Variants in NRXN3 observed in about 807,000 individuals in gnomAD.
The protein encoded by NRXN3 is neurexin 3.
NRXN3 carries 32 observed loss-of-function variants against 137.6 expected under a neutral mutation model. The observed-to-expected ratio is 0.23, with a 90% CI of 0.18 to 0.31. NRXN3 has a LOEUF of 0.31. NRXN3 is among the 10% of genes least tolerant of loss of function. The pLI is 1.00. For synonymous variants in NRXN3, 798 were observed against 784.5 expected (o/e 1.02, Z -0.29); for missense variants, 1,574 against 2,062.5 (o/e 0.76, Z 4.59).
At position 79,257,951 on chromosome 14, in the gene NRXN3, A is replaced by G. The variant is rs181594045; in HGVS notation, c.3263-209270A>G. ...TACTGCTTTACCTAAAATAGACTGG[A>G]AAAAAAAAAGTTGTGACTGTTCTCT... On this transcript the variant is annotated intron_variant, in intron 15 of 20. Transcript: ENST00000335750. Among the ~76,000 whole-genome samples, 10 of 149,056 alleles carry G rather than the reference A, an allele frequency of 6.7e-5. No individual in the cohort carries two copies. In the East Asian group the frequency reaches 9.8e-4, roughly 15 times the overall value.
chr14:78,528,486 T>C (rs535588124), intron 4 of NRXN3, among the ~76,000 whole-genome samples: 1 of 152,290 alleles, frequency 6.6e-6, no homozygotes, highest in Admixed American at 6.5e-5. Flanking sequence ...CCCACAACTG[T>C]GTGAGGGCAG....
At chr14:79,766,559 T>C (rs1222681048) in intron 19 of NRXN3, among the ~76,000 whole-genome samples, 1 of 152,218 alleles carries the variant, frequency 6.6e-6, no homozygotes, top group Non-Finnish European at 1.5e-5. Context: ...CATTGCATTC[T>C]GGGGAATTGG....
At chr14:79,385,328 C>T (rs377059128) in intron 15 of NRXN3, among the ~76,000 whole-genome samples, 2,187 of 148,598 alleles carry the variant, frequency 0.015, 25 homozygotes, top group South Asian at 0.033. Context: ...TTTGTTCTTG[C>T]GATAGTTTAC....
chr14:78,179,090 C>A (rs2059543013), intron 1 of NRXN3, among the ~76,000 whole-genome samples: 1 of 152,154 alleles, frequency 6.6e-6, no homozygotes, highest in Non-Finnish European at 1.5e-5. Context: ...TGCACAGCCT[C>A]ACTGGTGGAG....
intron 10 of NRXN3, among the ~76,000 whole-genome samples, chr14:78,901,803 C>T (rs770332680): frequency 5.3e-5 from 8 of 152,134 alleles, no homozygotes; most frequent in South Asian, 2.1e-4. Flanking sequence ...TGGGGTGCCT[C>T]TTAGCTCCAG....
intron 15 of NRXN3, among the ~76,000 whole-genome samples, chr14:79,398,441 G>C (rs1475066328): frequency 6.6e-6 from 1 of 151,426 alleles, no homozygotes; most frequent in Non-Finnish European, 1.5e-5. Context: ...CTAAGACCCA[G>C]ACAAACTAAC....
At chr14:79,446,144 T>C (rs1403902579) in intron 15 of NRXN3, among the ~76,000 whole-genome samples, 1 of 152,146 alleles carries the variant, frequency 6.6e-6, no homozygotes, top group Non-Finnish European at 1.5e-5. Context: ...GAAGAAAATA[T>C]AGAGTTTATA....
chr14:78,666,003 G>A (rs903774708), intron 6 of NRXN3, among the ~76,000 whole-genome samples: 3 of 152,040 alleles, frequency 2.0e-5, no homozygotes, highest in Non-Finnish European at 2.9e-5. Flanking sequence ...ACATGTTACT[G>A]TGCTCAGTCA....
intron 10 of NRXN3, among the ~76,000 whole-genome samples, chr14:78,915,689 G>A (rs2099253510): frequency 6.6e-6 from 1 of 152,136 alleles, no homozygotes; most frequent in African/African-American, 2.4e-5. Context: ...GATGGATGAT[G>A]GGGAGGGCCA....
intron 3 of NRXN3, among the ~76,000 whole-genome samples, chr14:78,279,083 TG>T (rs1419013156): frequency 6.6e-6 from 1 of 152,230 alleles, no homozygotes; most frequent in Non-Finnish European, 1.5e-5. Context: ...AAATGTGATG[TG>T]GGTGAAAGGA....
chr14:79,383,720 G>A (rs2094531742), intron 15 of NRXN3, among the ~76,000 whole-genome samples: 1 of 152,108 alleles, frequency 6.6e-6, no homozygotes, highest in Admixed American at 6.5e-5. Context: ...GCCTGAATGA[G>A]CTCCATGCTT....
chr14:79,613,658 A>C (rs9806079), intron 16 of NRXN3, among the ~76,000 whole-genome samples: 13,176 of 152,266 alleles, frequency 0.087, 1,323 homozygotes, highest in African/African-American at 0.23. Context: ...TAAAAGATTT[A>C]ACTAACTGGC....
intron 20 of NRXN3, among the ~76,000 whole-genome samples, chr14:79,833,957 G>A (rs2099330030): frequency 6.6e-6 from 1 of 152,098 alleles, no homozygotes; most frequent in Non-Finnish European, 1.5e-5. Context: ...ACAACATCTT[G>A]TATGTAAACA....
At position 79,155,195 on chromosome 14, in the gene NRXN3, AG is replaced by A. The variant is rs1441479998; in HGVS notation, c.3262+167055del. Among the ~76,000 whole-genome samples, 4 of 152,084 alleles carry A rather than the reference AG, an allele frequency of 2.6e-5. No individual in the cohort carries two copies. In the East Asian group the frequency reaches 7.8e-4, roughly 30 times the overall value. Reference sequence around the variant, plus strand: ...CTGAAGCTGGAGAAGAGAAATATAAAGCTATGTGTTTCAGAATGAAAGGACC... The same window carrying A: ...CTGAAGCTGGAGAAGAGAAATATAAACTATGTGTTTCAGAATGAAAGGACC... On this transcript the variant is annotated intron_variant, in intron 15 of 20. Coordinates refer to ENST00000335750, the MANE Select transcript of NRXN3 (RefSeq NM_001330195.2).
intron 16 of NRXN3, among the ~76,000 whole-genome samples, chr14:79,635,884 G>C (rs1363289660): frequency 6.6e-6 from 1 of 152,048 alleles, no homozygotes; most frequent in Non-Finnish European, 1.5e-5. Context: ...GCAGACCAAA[G>C]GGGGGAAATG....
chr14:78,749,333 T>A (rs1046140376), intron 8 of NRXN3, among the ~76,000 whole-genome samples: 2 of 152,276 alleles, frequency 1.3e-5, no homozygotes, highest in Non-Finnish European at 2.9e-5. Context: ...ACAATGCCCA[T>A]AGATTGCCTA....
chr14:78,855,684 T>C (rs2099055118), intron 10 of NRXN3, among the ~76,000 whole-genome samples: 3 of 152,200 alleles, frequency 2.0e-5, no homozygotes, highest in Non-Finnish European at 2.9e-5. Context: ...TTGAAGAAAG[T>C]GTATCTGACA....
chr14:79,366,093 G>T (rs1356256687), intron 15 of NRXN3, among the ~76,000 whole-genome samples: 1 of 152,132 alleles, frequency 6.6e-6, no homozygotes, highest in Non-Finnish European at 1.5e-5. Context: ...CACTGAAAGG[G>T]TTCAGTCCGG....
At chr14:78,933,249 G>A (rs188481497) in intron 10 of NRXN3, among the ~76,000 whole-genome samples, 1 of 152,168 alleles carries the variant, frequency 6.6e-6, no homozygotes, top group Non-Finnish European at 1.5e-5. Flanking sequence ...GTACATATTT[G>A]AATGGAAGAA....
Sources: gnomAD v4.1 joint callset for allele counts (sites outside exome capture counted in the v4.1 genomes callset) on GRCh38, gnomAD v4.1.1 for gene constraint, MANE v1.5 for transcripts, NCBI Gene and HGNC (gene_info 2026-07-23, HGNC 2026-07-21) for gene names.